Variants in PCDH15 observed in about 807,000 individuals in gnomAD.
The protein encoded by PCDH15 is protocadherin related 15.
A neutral mutation model predicts 178.5 loss-of-function variants in PCDH15; 129 were observed. The ratio of observed to expected loss-of-function variants is 0.72; its 90% CI spans 0.63 to 0.84. PCDH15 has a LOEUF of 0.84. Among genes scored for constraint, PCDH15 ranks in the 40% least tolerant of loss-of-function variants. PCDH15 has a pLI of 0.00. For synonymous variants in PCDH15, 800 were observed against 732.0 expected, an observed-to-expected ratio of 1.09 and a Z score of -1.50; for missense variants, 2,230 against 2,099.9, an observed-to-expected ratio of 1.06 and a Z score of -1.21.
chr10:53,930,903 A>G lies in PCDH15; in HGVS notation c.3373+7912T>C, dbSNP rs547622097. Among the ~76,000 whole-genome samples, 17 of 152,342 alleles carry G rather than the reference A, an allele frequency of 1.1e-4. No individual in the cohort carries two copies. The East Asian group carries it at 2.9e-3, about 26-fold the overall frequency. On this transcript the variant is annotated intron_variant, in intron 25 of 37. Transcript: ENST00000644397. ...ATTGGCTTTCTGTACAGCAAGCAGC[A>G]GGACCTAGACCAAACTCCTGGTGTT...
chr10:55,058,447 T>C (rs11004714), intron 2 of PCDH15, among the ~76,000 whole-genome samples: 15,350 of 152,084 alleles, frequency 0.1, 1,294 homozygotes, highest in East Asian at 0.47. Flanking sequence ...TGAGTTGAAG[T>C]GATCCACCTG....
At chr10:54,671,930 G>A (rs936330838) in intron 1 of PCDH15, among the ~76,000 whole-genome samples, 2 of 152,094 alleles carry the variant, frequency 1.3e-5, no homozygotes, top group Admixed American at 6.6e-5. Flanking sequence ...AGCAAGCAAA[G>A]TTTCATCTGT....
chr10:55,566,156 C>A (rs539414618), intron 2 of PCDH15, among the ~76,000 whole-genome samples: 40 of 151,344 alleles, frequency 2.6e-4, no homozygotes, highest in Non-Finnish European at 4.7e-4. Context: ...TTTCAACATA[C>A]AAAAATTGTT....
intron 8 of PCDH15, among the ~76,000 whole-genome samples, chr10:54,314,745 T>C (rs1253588001): frequency 6.6e-6 from 1 of 151,990 alleles, no homozygotes; most frequent in Non-Finnish European, 1.5e-5. Flanking sequence ...TGTTCATGAG[T>C]TCTCATCATT....
At chr10:55,469,341 T>A (rs1839908101) in intron 2 of PCDH15, 1 of 152,158 alleles carries the variant, frequency 6.6e-6, no homozygotes, top group Admixed American at 6.5e-5. Flanking sequence ...GCTTTATGAT[T>A]ATTTTCCATA....
intron 1 of PCDH15, among the ~76,000 whole-genome samples, chr10:54,722,365 C>A (rs1941762740): frequency 1.3e-5 from 2 of 151,502 alleles, no homozygotes; most frequent in Admixed American, 1.3e-4. Flanking sequence ...CTTGTAATGT[C>A]ATTTTTACCA....
At chr10:55,452,383 C>T (rs1839454801) in intron 2 of PCDH15, among the ~76,000 whole-genome samples, 1 of 152,116 alleles carries the variant, frequency 6.6e-6, no homozygotes, top group South Asian at 2.1e-4. Flanking sequence ...AGGGCAGATA[C>T]AGGCCAAGGT....
intron 1 of PCDH15, among the ~76,000 whole-genome samples, chr10:54,683,535 T>C (rs1591033666): frequency 6.6e-6 from 1 of 152,248 alleles, no homozygotes; most frequent in East Asian, 1.9e-4. Flanking sequence ...GCATCACCAT[T>C]TTAGACATTT....
intron 2 of PCDH15, among the ~76,000 whole-genome samples, chr10:55,386,556 T>C (rs1212113874): frequency 3.9e-5 from 6 of 152,034 alleles, no homozygotes; most frequent in East Asian, 1.9e-4. Context: ...TCCAATGATA[T>C]ACCCCAAGGT....
At chr10:54,728,629 G>A (rs1942914587) in intron 1 of PCDH15, among the ~76,000 whole-genome samples, 2 of 148,718 alleles carry the variant, frequency 1.3e-5, no homozygotes, top group African/African-American at 5.1e-5. Flanking sequence ...CATCCAAATA[G>A]AGAGGTATTC....
At chr10:55,333,110 A>C (rs1463271601) in intron 2 of PCDH15, among the ~76,000 whole-genome samples, 1 of 152,220 alleles carries the variant, frequency 6.6e-6, no homozygotes, top group Admixed American at 6.5e-5. Context: ...ATAATGTGGT[A>C]ATTTGGAGTG....
At position 54,499,121 on chromosome 10, in the gene PCDH15, A is replaced by G. The variant is rs2080399858; in HGVS notation, c.157+28691T>C. On this transcript the variant is annotated intron_variant, in intron 3 of 37. Coordinates refer to ENST00000644397, the MANE Select transcript of PCDH15 (RefSeq NM_001384140.1). ...TGGGGACAAGAATCCAAACCATATCACTATTCTAAGTATGTAAGCAGCCAA... is the reference window on the plus strand; with the variant it reads ...TGGGGACAAGAATCCAAACCATATCGCTATTCTAAGTATGTAAGCAGCCAA... 2.6e-5 allele frequency among the ~76,000 whole-genome samples: 4 copies of G among 152,130 alleles called. No individual in the cohort carries two copies. The South Asian group carries it at 8.3e-4, about 32-fold the overall frequency.
At position 54,871,809 on chromosome 10, in the gene PCDH15, C is replaced by G. The variant is rs147101984; in HGVS notation, c.-29+25641G>C. On this transcript the variant is annotated intron_variant, in intron 3 of 5. Transcript: ENST00000458638. The stretch of plus-strand genomic sequence containing the variant: ...AGCCTATCATGATTACAAACTACCC[C>G]AATACATTCTACTCCAACTCACATA... Among the ~76,000 whole-genome samples, 986 of 152,082 alleles carry G rather than the reference C, an allele frequency of 6.5e-3. 16 individuals carry two copies. The highest frequency in any genetic ancestry group is 0.022 in the African/African-American group (903 of 41,532).
At chr10:54,060,585 T>C (rs1450130460) in intron 18 of PCDH15, among the ~76,000 whole-genome samples, 5 of 152,226 alleles carry the variant, frequency 3.3e-5, no homozygotes, top group Non-Finnish European at 7.3e-5. Flanking sequence ...ATGAATTCTA[T>C]TATTATCTCC....
chr10:54,966,546 A>G (rs1838795389), intron 2 of PCDH15, among the ~76,000 whole-genome samples: 1 of 152,090 alleles, frequency 6.6e-6, no homozygotes, highest in African/African-American at 2.4e-5. Context: ...ACAAAATGGT[A>G]AGTAATAATG....
intron 25 of PCDH15, among the ~76,000 whole-genome samples, chr10:53,926,039 A>G (rs1217924375): frequency 6.6e-6 from 1 of 152,190 alleles, no homozygotes; most frequent in Middle Eastern, 3.2e-3. Flanking sequence ...CATGTCACCC[A>G]AGATCAAAAG....
chr10:54,030,085 G>A (rs114787476), intron 18 of PCDH15, among the ~76,000 whole-genome samples: 4,174 of 152,128 alleles, frequency 0.027, 194 homozygotes, highest in African/African-American at 0.096. Flanking sequence ...CAGCCCCAAG[G>A]AAATAACTTG....
chr10:53,863,689 A>T (rs968110665), intron 27 of PCDH15, among the ~76,000 whole-genome samples: 1 of 152,198 alleles, frequency 6.6e-6, no homozygotes, highest in Non-Finnish European at 1.5e-5. Flanking sequence ...GAAAAAAAGC[A>T]TTGTTGTGAG....
intron 1 of PCDH15, among the ~76,000 whole-genome samples, chr10:55,192,943 T>C (rs998328404): frequency 2.0e-5 from 3 of 151,118 alleles, no homozygotes; most frequent in Admixed American, 6.6e-5. Flanking sequence ...ATATAAAATA[T>C]GCCTGCATAG....
Sources: allele counts gnomAD v4.1 joint callset (sites outside exome capture counted in the v4.1 genomes callset), GRCh38; gene constraint gnomAD v4.1.1; transcripts MANE v1.5; gene names NCBI Gene and HGNC (gene_info 2026-07-23, HGNC 2026-07-21).